The following PPP3CA variants were observed in gnomAD, a reference collection of about 807,000 sequenced individuals.
The protein encoded by PPP3CA is protein phosphatase 3 catalytic subunit alpha.
In PPP3CA, 14 loss-of-function variants were observed where a neutral mutation model predicts 66.5. That is an observed-to-expected ratio of 0.21 (90% confidence interval 0.14 to 0.33). The LOEUF is 0.33. PPP3CA is among the 10% of genes least tolerant of loss of function. PPP3CA has a pLI of 1.00. For synonymous variants in PPP3CA, 232 were observed against 226.2 expected (o/e 1.03, Z -0.23); for missense variants, 317 against 639.5 (o/e 0.50, Z 5.44).
At chr4:101,232,590 C>T (rs553937129) in intron 1 of PPP3CA, among the ~76,000 whole-genome samples, 1 of 151,820 alleles carries the variant, frequency 6.6e-6, no homozygotes, top group South Asian at 2.1e-4. Context: ...GGTCTCAATA[C>T]CTTATGACTG....
chr4:101,029,700 T>C (rs1181651034), intron 12 of PPP3CA, among the ~76,000 whole-genome samples: 1 of 151,380 alleles, frequency 6.6e-6, no homozygotes, highest in African/African-American at 2.4e-5. Flanking sequence ...TTTCCTGATG[T>C]GATGGAAAAA....
At chr4:101,250,076 T>C (rs1325196643) in intron 1 of PPP3CA, among the ~76,000 whole-genome samples, 2 of 152,204 alleles carry the variant, frequency 1.3e-5, no homozygotes, top group African/African-American at 4.8e-5. Flanking sequence ...AAATATTAAA[T>C]GAGTGCTTCG....
intron 11 of PPP3CA, among the ~76,000 whole-genome samples, chr4:101,033,279 CACACACACACACAA>C (rs1452624129): frequency 7.7e-4 from 66 of 85,338 alleles, no homozygotes; most frequent in Middle Eastern, 6.5e-3. Flanking sequence ...CATAGAGACA[CACACACACACACAA>C]ACACACACAC....
At position 101,196,115 on chromosome 4, in the gene PPP3CA, A is replaced by T; in HGVS notation, c.60T>A (p.Ala20=). 2 of 1,613,512 alleles carry T rather than the reference A, an allele frequency of 1.2e-6. No homozygotes were observed. The highest frequency in any genetic ancestry group is 1.7e-6 in the Non-Finnish European group (2 of 1,179,800). The change falls in exon 2 of 14, where the codon GCT becomes GCA. Residue 20 remains alanine (A), a splice_region_variant and synonymous_variant. Coordinates refer to ENST00000394854, the MANE Select transcript of PPP3CA (RefSeq NM_000944.5). ...KLSTTDRVVK[A]VPFPPSHRLT... ...GCCGGTGACTTGGAGGAAATGGAAC[A>T]GCTGAAAGAAGAAAGGTCTAATTAT...
Position 101,187,120 on chromosome 4 carries a change from T to G in PPP3CA, c.259+8796A>C, listed in dbSNP as rs564255598. Among the ~76,000 whole-genome samples the G allele has an allele frequency of 3.9e-5, 6 of 152,288 alleles. No individual in the cohort carries two copies. The South Asian group carries it at 1.2e-3, about 32-fold the overall frequency. On this transcript the variant is annotated intron_variant, in intron 2 of 13. Transcript: ENST00000394854. ...CTAATTTAGAGATTCACAATTTTAA[T>G]GTGGACACCATGCTGGATAGGGAGA...
chr4:101,121,436 A>G (rs561406031), intron 2 of PPP3CA, among the ~76,000 whole-genome samples: 141 of 152,246 alleles, frequency 9.3e-4, no homozygotes, highest in African/African-American at 3.1e-3. Flanking sequence ...TAGTTTTAAG[A>G]CATAAGTGTC....
intron 1 of PPP3CA, among the ~76,000 whole-genome samples, chr4:101,318,361 G>A (rs2110318732): frequency 6.6e-6 from 1 of 152,214 alleles, no homozygotes; most frequent in African/African-American, 2.4e-5. Context: ...ACTTTCCCAT[G>A]AAAGGAAACA....
intron 1 of PPP3CA, among the ~76,000 whole-genome samples, chr4:101,346,265 C>T (rs971713605): frequency 3.9e-5 from 6 of 152,016 alleles, no homozygotes; most frequent in African/African-American, 1.4e-4. Context: ...GTGAGGCAGT[C>T]GGTGGAAAGC....
chr4:101,137,454 C>T (rs115253999), intron 2 of PPP3CA, among the ~76,000 whole-genome samples: 229 of 152,072 alleles, frequency 1.5e-3, no homozygotes, highest in African/African-American at 4.8e-3. Context: ...GTGTCATGCT[C>T]GGTGTGAGAA....
Position 101,193,013 on chromosome 4 carries a change from A to G in PPP3CA, c.259+2903T>C, listed in dbSNP as rs535110802. Among the ~76,000 whole-genome samples, 3 of 152,336 alleles carry G rather than the reference A, an allele frequency of 2.0e-5. No homozygotes were observed. In the South Asian group the frequency reaches 6.2e-4, roughly 32 times the overall value. On this transcript the variant is annotated intron_variant, in intron 2 of 13. Coordinates refer to ENST00000394854, the MANE Select transcript of PPP3CA (RefSeq NM_000944.5). ...AGGAAATACTCATTTAGAAGATAGGAACACATTTTGGTTTTAAATTAGCTA... is the reference window on the plus strand; with the variant it reads ...AGGAAATACTCATTTAGAAGATAGGGACACATTTTGGTTTTAAATTAGCTA...
At chr4:101,113,909 A>AG (rs1721757866) in intron 2 of PPP3CA, among the ~76,000 whole-genome samples, 1 of 152,108 alleles carries the variant, frequency 6.6e-6, no homozygotes, top group South Asian at 2.1e-4. Flanking sequence ...CCAAATCCTC[A>AG]GGAGGCTAGG....
At chr4:101,292,887 A>T (rs114704319) in intron 1 of PPP3CA, among the ~76,000 whole-genome samples, 1 of 152,252 alleles carries the variant, frequency 6.6e-6, no homozygotes, top group African/African-American at 2.4e-5. Context: ...GTTTTTCCAC[A>T]TGACAATCTT....
intron 10 of PPP3CA, among the ~76,000 whole-genome samples, chr4:101,040,790 C>T (rs2251238): frequency 0.24 from 37,166 of 151,886 alleles, 6,247 homozygotes; most frequent in East Asian, 0.85. Flanking sequence ...GAAAAACTTT[C>T]GAGATATCCA....
chr4:101,205,606 T>A (rs1725107306), intron 1 of PPP3CA, among the ~76,000 whole-genome samples: 1 of 152,130 alleles, frequency 6.6e-6, no homozygotes, highest in Non-Finnish European at 1.5e-5. Context: ...ACTTGTTCCT[T>A]TTACCTTCTT....
At chr4:101,195,320 G>GA (rs746675494) in intron 2 of PPP3CA, among the ~76,000 whole-genome samples, 3 of 151,210 alleles carry the variant, frequency 2.0e-5, no homozygotes, top group Non-Finnish European at 2.9e-5. Flanking sequence ...GGGCAAAAGA[G>GA]AAAAAAATGT....
At chr4:101,026,492 T>C (rs1726657297) in intron 13 of PPP3CA, among the ~76,000 whole-genome samples, 1 of 152,138 alleles carries the variant, frequency 6.6e-6, no homozygotes, top group African/African-American at 2.4e-5. Flanking sequence ...TACTAGGTAA[T>C]GGCAAATTCA....
chr4:101,328,186 C>A (rs553178442), intron 1 of PPP3CA, among the ~76,000 whole-genome samples: 55 of 152,106 alleles, frequency 3.6e-4, no homozygotes, highest in Non-Finnish European at 6.3e-4. Flanking sequence ...CCTGCAACTA[C>A]CTCAACCACA....
chr4:101,244,586 T>C (rs1019695280), intron 1 of PPP3CA, among the ~76,000 whole-genome samples: 2 of 152,046 alleles, frequency 1.3e-5, no homozygotes, highest in African/African-American at 4.8e-5. Context: ...CTATACGCCC[T>C]CCCCCGTGGT....
intron 3 of PPP3CA, among the ~76,000 whole-genome samples, chr4:101,104,925 C>T (rs912065531): frequency 5.3e-5 from 8 of 152,038 alleles, no homozygotes; most frequent in Admixed American, 4.6e-4. Flanking sequence ...AATTAAAGAG[C>T]TGTTTTTGAA....
Sources: allele counts gnomAD v4.1 joint callset (sites outside exome capture counted in the v4.1 genomes callset), GRCh38; gene constraint gnomAD v4.1.1; transcripts MANE v1.5; gene names NCBI Gene and HGNC (gene_info 2026-07-23, HGNC 2026-07-21).